Variants in WDR70 observed in about 807,000 individuals in gnomAD.
The protein encoded by WDR70 is WD repeat domain 70.
Under a neutral mutation model 88.6 loss-of-function variants are expected in WDR70, and 53 were observed. The ratio of observed to expected loss-of-function variants is 0.60; its 90% CI spans 0.48 to 0.75. The LOEUF (loss-of-function observed/expected upper bound fraction) is 0.75, where lower values mean the gene tolerates loss of function less well. Among genes scored for constraint, WDR70 ranks in the 30% least tolerant of loss-of-function variants. WDR70 has a pLI of 0.00. For missense variants in WDR70, 610 were observed against 823.2 expected (o/e 0.74, Z 3.17); for synonymous variants, 280 against 270.0 (o/e 1.04, Z -0.36).
intron 10 of WDR70, among the ~76,000 whole-genome samples, chr5:37,692,070 A>G (rs1331005814): frequency 2.0e-5 from 3 of 152,054 alleles, no homozygotes; most frequent in Admixed American, 6.5e-5. Context: ...AAAGAATACT[A>G]TAAACACCTC....
intron 13 of WDR70, 64 bp downstream of exon 13, chr5:37,703,151 G>A: frequency 1.3e-6 from 2 of 1,566,330 alleles, no homozygotes; most frequent in South Asian, 2.3e-5. Flanking sequence ...CCCATCTTTT[G>A]GTTTTGTTTG....
chr5:37,659,964 G>A (rs1019892573), intron 10 of WDR70, among the ~76,000 whole-genome samples: 1 of 152,038 alleles, frequency 6.6e-6, no homozygotes, highest in African/African-American at 2.4e-5. Flanking sequence ...GATATTTTAT[G>A]TTTATGTTTT....
At chr5:37,392,822 A>C (rs541991328) in intron 4 of WDR70, among the ~76,000 whole-genome samples, 2 of 146,918 alleles carry the variant, frequency 1.4e-5, no homozygotes, top group South Asian at 4.3e-4. Context: ...TTTTTTTTGT[A>C]TTTTAGTAGA....
chr5:37,405,137 G>A (rs1388522509), intron 5 of WDR70, among the ~76,000 whole-genome samples: 10 of 152,114 alleles, frequency 6.6e-5, no homozygotes, highest in Non-Finnish European at 1.5e-4. Flanking sequence ...GTAATAGGGA[G>A]AAGGACAAGT....
intron 8 of WDR70, among the ~76,000 whole-genome samples, chr5:37,507,727 A>G (rs1740604601): frequency 1.3e-5 from 2 of 152,192 alleles, no homozygotes; most frequent in Admixed American, 6.5e-5. Context: ...TAGTATATCA[A>G]CATAGGGATC....
intron 17 of WDR70, among the ~76,000 whole-genome samples, chr5:37,752,140 C>G (rs10075844): frequency 6.6e-6 from 1 of 152,178 alleles, no homozygotes; most frequent in Non-Finnish European, 1.5e-5. Context: ...GACTGTAGTT[C>G]GTTCTTCCAT....
At chr5:37,465,608 A>G (rs1388866557) in intron 7 of WDR70, among the ~76,000 whole-genome samples, 1 of 150,826 alleles carries the variant, frequency 6.6e-6, no homozygotes, top group East Asian at 1.9e-4. Context: ...AGATAGACAT[A>G]GATTTTATTT....
chr5:37,466,655 G>T (rs1739158952), intron 7 of WDR70, among the ~76,000 whole-genome samples: 1 of 123,216 alleles, frequency 8.1e-6, no homozygotes, highest in Non-Finnish European at 1.6e-5. Flanking sequence ...GCAGTAAGCC[G>T]AGATGGCGCC....
intron 7 of WDR70, among the ~76,000 whole-genome samples, chr5:37,475,261 G>A (rs1321673971): frequency 6.9e-6 from 1 of 145,230 alleles, no homozygotes; most frequent in African/African-American, 2.5e-5. Flanking sequence ...TTTAAATGGA[G>A]TTTCGCTTTT....
At chr5:37,471,636 T>C (rs1185332582) in intron 7 of WDR70, among the ~76,000 whole-genome samples, 4 of 151,958 alleles carry the variant, frequency 2.6e-5, no homozygotes, top group Non-Finnish European at 5.9e-5. Flanking sequence ...TTGCATTCTT[T>C]TTTTTATGGT....
chr5:37,631,831 T>G (rs1338113447), intron 10 of WDR70, among the ~76,000 whole-genome samples: 1 of 152,164 alleles, frequency 6.6e-6, no homozygotes, highest in Non-Finnish European at 1.5e-5. Flanking sequence ...CGGGTGAAAT[T>G]GTCTGTTGGA....
intron 5 of WDR70, among the ~76,000 whole-genome samples, chr5:37,415,754 C>A (rs1322812832): frequency 6.7e-6 from 1 of 149,708 alleles, no homozygotes; most frequent in Non-Finnish European, 1.5e-5. Context: ...ACTTCTCAGA[C>A]GGGGCGGCTG....
chr5:37,494,019 A>G (rs546360477), intron 8 of WDR70, among the ~76,000 whole-genome samples: 1 of 152,058 alleles, frequency 6.6e-6, no homozygotes, highest in East Asian at 1.9e-4. Flanking sequence ...AGGTTTCATC[A>G]TGTTGGCCAG....
Position 37,383,504 on chromosome 5 carries a change from C to T in WDR70, c.175+1819C>T, listed in dbSNP as rs1287037188. 6.6e-5 allele frequency among the ~76,000 whole-genome samples: 10 copies of T among 152,134 alleles called. No homozygotes were observed. In the East Asian group the frequency reaches 1.4e-3, roughly 21 times the overall value. On this transcript the variant is annotated intron_variant, in intron 3 of 17. Transcript: ENST00000265107. ...CTCGGACTTGTGACCTCAGGTGATCCGCCCGCCTCGGCCTCCCAAAGTGCT... is the reference window on the plus strand; with the variant it reads ...CTCGGACTTGTGACCTCAGGTGATCTGCCCGCCTCGGCCTCCCAAAGTGCT...
intron 10 of WDR70, among the ~76,000 whole-genome samples, chr5:37,660,318 G>A (rs975235272): frequency 1.3e-5 from 2 of 152,044 alleles, no homozygotes; most frequent in African/African-American, 4.8e-5. Flanking sequence ...TATCAATTAG[G>A]TCAAGTTGGT....
intron 10 of WDR70, among the ~76,000 whole-genome samples, chr5:37,649,159 G>A (rs1332889406): frequency 2.0e-5 from 3 of 152,112 alleles, no homozygotes; most frequent in Admixed American, 6.5e-5. Context: ...GGCAGGCAGA[G>A]AGGAGAGAAG....
At chr5:37,569,816 A>G (rs1742849057) in intron 9 of WDR70, among the ~76,000 whole-genome samples, 1 of 152,186 alleles carries the variant, frequency 6.6e-6, no homozygotes, top group African/African-American at 2.4e-5. Context: ...GTTCCCCTGA[A>G]GAAGTGATAT....
chr5:37,652,157 G>T (rs1251191028), intron 10 of WDR70, among the ~76,000 whole-genome samples: 3 of 152,178 alleles, frequency 2.0e-5, no homozygotes, highest in African/African-American at 4.8e-5. Flanking sequence ...TTCTGCATAT[G>T]GCTAGCCAGT....
chr5:37,577,502 G>A (rs745984638), intron 9 of WDR70, among the ~76,000 whole-genome samples: 2 of 151,990 alleles, frequency 1.3e-5, no homozygotes, highest in Admixed American at 1.3e-4. Flanking sequence ...TAATTAAATC[G>A]TACATATATA....
Sources: allele counts gnomAD v4.1 joint callset (sites outside exome capture counted in the v4.1 genomes callset), GRCh38; gene constraint gnomAD v4.1.1; transcripts MANE v1.5; gene names NCBI Gene and HGNC (gene_info 2026-07-23, HGNC 2026-07-21).